GPC5: variants seen among roughly 807,000 people sequenced by gnomAD.
GPC5 encodes the protein glypican 5, also known as glypican-5.
In GPC5, 47 loss-of-function variants were observed where a neutral mutation model predicts 53.9. The ratio of observed to expected loss-of-function variants is 0.87; its 90% confidence interval spans 0.69 to 1.11. GPC5 has a LOEUF of 1.11. Among genes scored for constraint, GPC5 ranks in the 50% most tolerant of loss-of-function variants. The probability of loss-of-function intolerance (pLI) is 0.00; values close to 1 mark genes in which losing one functional copy is unlikely to be tolerated. For synonymous variants in GPC5, 286 were observed against 263.3 expected (o/e 1.09, Z -0.84); for missense variants, 748 against 713.1 (o/e 1.05, Z -0.56).
chr13:91,904,003 C>T (rs1218033490), intron 5 of GPC5, among the ~76,000 whole-genome samples: 2 of 151,930 alleles, frequency 1.3e-5, no homozygotes, highest in African/African-American at 4.8e-5. Flanking sequence ...GAAACAGAAA[C>T]ACTGTACGGC....
At chr13:91,541,843 T>TCATAA (rs141146615) in intron 2 of GPC5, among the ~76,000 whole-genome samples, 5 of 151,054 alleles carry the variant, frequency 3.3e-5, no homozygotes, top group African/African-American at 9.7e-5. Flanking sequence ...AAAGCAGTGA[T>TCATAA]CATTCTTATT....
intron 7 of GPC5, among the ~76,000 whole-genome samples, chr13:92,542,395 GA>G (rs935011505): frequency 5.9e-5 from 9 of 151,930 alleles, no homozygotes; most frequent in Admixed American, 5.9e-4. Flanking sequence ...CTGCTTTTAT[GA>G]GATCAACATT....
chr13:91,495,591 C>T (rs1270232702), intron 2 of GPC5, among the ~76,000 whole-genome samples: 1 of 152,216 alleles, frequency 6.6e-6, no homozygotes, highest in East Asian at 1.9e-4. Flanking sequence ...TGCATTTGCT[C>T]TTTCCCTGCC....
At chr13:91,883,577 A>G (rs950704061) in intron 5 of GPC5, among the ~76,000 whole-genome samples, 1 of 152,212 alleles carries the variant, frequency 6.6e-6, no homozygotes. Context: ...GCCCTGAGTC[A>G]GAAACATGTG....
chr13:91,617,112 G>A (rs1342244293), intron 2 of GPC5, among the ~76,000 whole-genome samples: 2 of 152,140 alleles, frequency 1.3e-5, no homozygotes, highest in Non-Finnish European at 1.5e-5. Flanking sequence ...GTTATTGAAT[G>A]TCTGTTACAT....
chr13:92,512,268 G>A (rs565123191), intron 7 of GPC5, among the ~76,000 whole-genome samples: 19 of 151,962 alleles, frequency 1.3e-4, no homozygotes, highest in East Asian at 1.9e-4. Flanking sequence ...GCGCGCGTAC[G>A]CTGTGTGCAT....
At chr13:92,595,794 A>G (rs1359307729) in intron 7 of GPC5, among the ~76,000 whole-genome samples, 1 of 148,974 alleles carries the variant, frequency 6.7e-6, no homozygotes, top group African/African-American at 2.5e-5. Context: ...AAAAGATAGT[A>G]TTTACTTTGT....
chr13:92,100,395 T>G (rs779253703), intron 6 of GPC5, among the ~76,000 whole-genome samples: 5 of 152,106 alleles, frequency 3.3e-5, no homozygotes, highest in Admixed American at 1.3e-4. Flanking sequence ...GAGTGAGACC[T>G]CATCTCAAAA....
chr13:92,259,317 C>T (rs902397340), intron 7 of GPC5, among the ~76,000 whole-genome samples: 1 of 152,062 alleles, frequency 6.6e-6, no homozygotes, highest in African/African-American at 2.4e-5. Flanking sequence ...GGGTGGCCTC[C>T]AAGGACAAGC....
At chr13:92,002,305 T>A (rs1361914394) in intron 6 of GPC5, among the ~76,000 whole-genome samples, 1 of 152,216 alleles carries the variant, frequency 6.6e-6, no homozygotes, top group Non-Finnish European at 1.5e-5. Context: ...ATCTCCATAA[T>A]TCTGCCCAGT....
chr13:92,733,639 G>T (rs890195670), intron 7 of GPC5, among the ~76,000 whole-genome samples: 3 of 151,700 alleles, frequency 2.0e-5, no homozygotes, highest in Non-Finnish European at 4.4e-5. Context: ...TGTAAGGATT[G>T]TTTAAACAGT....
At chr13:92,400,690 C>A (rs1191755984) in intron 7 of GPC5, among the ~76,000 whole-genome samples, 1 of 152,184 alleles carries the variant, frequency 6.6e-6, no homozygotes, top group Non-Finnish European at 1.5e-5. Context: ...TTTCCTACAG[C>A]AGTTATCATA....
At chr13:92,116,459 C>G (rs2041602671) in intron 6 of GPC5, among the ~76,000 whole-genome samples, 1 of 152,182 alleles carries the variant, frequency 6.6e-6, no homozygotes, top group South Asian at 2.1e-4. Context: ...GTTTGTGATT[C>G]TTTGTCATGG....
At chr13:92,748,505 T>A (rs1217803685) in intron 7 of GPC5, among the ~76,000 whole-genome samples, 1 of 151,768 alleles carries the variant, frequency 6.6e-6, no homozygotes, top group Non-Finnish European at 1.5e-5. Context: ...AATTTTTTTG[T>A]AGAGACGGGG....
chr13:92,387,339 T>A (rs1566569021), intron 7 of GPC5, among the ~76,000 whole-genome samples: 1 of 152,154 alleles, frequency 6.6e-6, no homozygotes. Context: ...TAGGCTAAAC[T>A]ATCATGTTGC....
chr13:92,087,393 T>C (rs1216877344), intron 6 of GPC5, among the ~76,000 whole-genome samples: 1 of 152,210 alleles, frequency 6.6e-6, no homozygotes, highest in Non-Finnish European at 1.5e-5. Flanking sequence ...AAGTACCTGG[T>C]ACATGGTTTA....
intron 7 of GPC5, among the ~76,000 whole-genome samples, chr13:92,148,048 C>T (rs1481712607): frequency 6.6e-6 from 1 of 152,052 alleles, no homozygotes; most frequent in Non-Finnish European, 1.5e-5. Flanking sequence ...ACTATTTCTT[C>T]ATTACGCTTT....
intron 2 of GPC5, among the ~76,000 whole-genome samples, chr13:91,519,869 G>A (rs2351870): frequency 0.92 from 138,845 of 150,582 alleles, 64,695 homozygotes; most frequent in Non-Finnish European, 1. Context: ...TCTAGAGTAC[G>A]TTAGGTTGAA....
At chr13:92,510,687 A>C (rs1270275763) in intron 7 of GPC5, among the ~76,000 whole-genome samples, 1 of 152,194 alleles carries the variant, frequency 6.6e-6, no homozygotes, top group African/African-American at 2.4e-5. Context: ...GTTACTTTAG[A>C]TGGAGCCACG....
Sources: allele counts gnomAD v4.1 joint callset (sites outside exome capture counted in the v4.1 genomes callset), GRCh38; gene constraint gnomAD v4.1.1; transcripts MANE v1.5; gene names NCBI Gene and HGNC (gene_info 2026-07-23, HGNC 2026-07-21).